The following OTOF variants were observed in gnomAD, a reference collection of about 807,000 sequenced individuals.
OTOF encodes otoferlin, also known as fer-1-like family member 2.
Under a neutral mutation model 236.8 loss-of-function variants are expected in OTOF, and 218 were observed. The observed-to-expected ratio is 0.92, with a 90% CI of 0.82 to 1.03. OTOF has a LOEUF of 1.03. Ranked by LOEUF, OTOF falls within the 50% of genes least tolerant of loss-of-function variation. The pLI, the probability that OTOF is intolerant of heterozygous loss-of-function variation, is 0.00. For missense variants in OTOF, 2,590 were observed against 2,694.4 expected, an observed-to-expected ratio of 0.96 and a Z score of 0.86; for synonymous variants, 1,041 against 1,072.5, an observed-to-expected ratio of 0.97 and a Z score of 0.57.
At chr2:26,484,757 G>A in intron 11 of OTOF, 124 bp from the exon 12 acceptor site, 2 of 933,370 alleles carry the variant, frequency 2.1e-6, no homozygotes, top group Non-Finnish European at 3.3e-6. Flanking sequence ...CCGGGACCTG[G>A]GGCCACAGCT....
chr2:26,557,471 A>AG (rs1032371631), intron 1 of OTOF, among the ~76,000 whole-genome samples: 4 of 152,138 alleles, frequency 2.6e-5, no homozygotes, highest in African/African-American at 9.7e-5. Context: ...TAAAATGCTC[A>AG]GGGGCTCCGC....
rs1289093763 is a variant in OTOF at position 26,460,694 on chromosome 2, G to A, written c.5766C>T (p.Asn1922=). 2 of 1,613,828 alleles carry A rather than the reference G, an allele frequency of 1.2e-6. No individual in the cohort carries two copies. Among genetic ancestry groups the A allele is most frequent in the Non-Finnish European group, 1.7e-6 (2 of 1,179,944 alleles). The change falls in exon 45 of 47, where the codon AAC becomes AAT. Residue 1922 remains asparagine, a synonymous_variant. Transcript: ENST00000272371. The surrounding 1 kb of genome is among the most constrained non-coding windows in gnomAD (Gnocchi z 5.3). ...GTTCATTGCGGGCCAGGCCCACTGG[G>A]TTCTTCTCTGCCTCCTCTGCTGTCA... is the stretch of plus-strand genomic sequence containing the variant. ...HLLTAEEAEK[N]PVGLARNEPD...
At chr2:26,483,433 C>G (rs1665617503) in intron 13 of OTOF, 29 bp downstream of exon 13, 4 of 1,609,174 alleles carry the variant, frequency 2.5e-6, no homozygotes, top group Non-Finnish European at 3.4e-6. Flanking sequence ...TCACCCAGCC[C>G]CAGCCTCCTG....
At chr2:26,533,998 T>A (rs546777962) in intron 2 of OTOF, among the ~76,000 whole-genome samples, 2 of 152,144 alleles carry the variant, frequency 1.3e-5, no homozygotes, top group African/African-American at 4.8e-5. Context: ...GGTCCCTCCT[T>A]GTTTGTAGTG....
chr2:26,535,550 G>A lies in OTOF; in HGVS notation c.138+2166C>T, dbSNP rs553663565. On this transcript the variant is annotated intron_variant, in intron 2 of 46. Transcript: ENST00000272371. ...AAACTTCCCTGTCTCCCCAGTGGGC[G>A]GGCAGCACTTTCCCCGGGCAGGAGC... Among the ~76,000 whole-genome samples, 8 of 152,224 alleles carry A rather than the reference G, an allele frequency of 5.3e-5. No homozygotes were observed. The East Asian group carries it at 1.4e-3, about 26-fold the overall frequency.
intron 1 of OTOF, among the ~76,000 whole-genome samples, chr2:26,541,206 T>G (rs1667205365): frequency 6.6e-6 from 1 of 152,176 alleles, no homozygotes; most frequent in South Asian, 2.1e-4. Context: ...TGGTGTCAGA[T>G]TCACATCTGC....
In OTOF at chr2:26,477,856, G is replaced by A. The variant is rs1300732020; in HGVS notation, c.2215-107C>T. The A allele has an allele frequency of 6.4e-7, 1 of 1,559,494 alleles. No homozygotes were observed. The highest frequency in any genetic ancestry group is 8.7e-7 in the Non-Finnish European group (1 of 1,152,018). On this transcript the variant is annotated intron_variant, in intron 18 of 46. Coordinates refer to ENST00000272371, the MANE Select transcript of OTOF (RefSeq NM_194248.3). The surrounding 1 kb of genome is among the most constrained non-coding windows in gnomAD (Gnocchi z 4.7). ...GGGAGTGAGGGACCTCATGATCTGGGAGCTCTCGCTAGGGCCATCCTGAGT... is the reference window on the plus strand; with the variant it reads ...GGGAGTGAGGGACCTCATGATCTGGAAGCTCTCGCTAGGGCCATCCTGAGT...
chr2:26,494,871 T>G (rs981609564), intron 9 of OTOF, 71 bp downstream of exon 9: 194 of 1,583,806 alleles, frequency 1.2e-4, no homozygotes, highest in Non-Finnish European at 1.1e-4. Context: ...CACTCCTATT[T>G]CTCCTGGGGA....
At chr2:26,523,490 C>A (rs1425003963) in intron 3 of OTOF, among the ~76,000 whole-genome samples, 2 of 152,142 alleles carry the variant, frequency 1.3e-5, no homozygotes, top group Non-Finnish European at 2.9e-5. Context: ...CGTCCTGGGA[C>A]CCACTCTCCC....
Position 26,468,403 on chromosome 2 carries a change from C to A in OTOF, c.4090+5G>T. 6.2e-7 allele frequency: 1 copy of A among 1,612,858 alleles called. No homozygotes were observed. The highest frequency in any genetic ancestry group is 8.5e-7 in the Non-Finnish European group (1 of 1,178,874). Reference sequence around the variant, plus strand: ...GGAGGCAGAGTTCCAGGTTCCAGGGCTCACCCTCGGTATTGTCCACTTCCT... The same window carrying A: ...GGAGGCAGAGTTCCAGGTTCCAGGGATCACCCTCGGTATTGTCCACTTCCT... On this transcript the variant is annotated splice_donor_5th_base_variant and intron_variant, in intron 33 of 46. Transcript: ENST00000272371.
rs371356753 is a variant in OTOF, at chr2:26,472,980, C to T, written c.3733+152G>A. ...GTAGAGCTGGCGTCACCTTGGGCAG[C>T]CTTCCTTGGCCACCAGGGTGACCTT... On this transcript the variant is annotated intron_variant, in intron 29 of 46. Coordinates refer to ENST00000272371, the MANE Select transcript of OTOF (RefSeq NM_194248.3). The T allele has an allele frequency of 4.2e-4, 360 of 853,478 alleles. No individual in the cohort carries two copies. The African/African-American group carries it at 5.7e-3, about 13-fold the overall frequency. 52.9% of individuals were successfully genotyped at this position (853,478 alleles called of 1,614,324 possible).
chr2:26,550,142 C>T (rs890175276), intron 1 of OTOF, among the ~76,000 whole-genome samples: 55 of 151,342 alleles, frequency 3.6e-4, no homozygotes, highest in African/African-American at 1.2e-3. Context: ...CTCGTCTCCA[C>T]CTCAGCAGAT....
chr2:26,543,777 C>T (rs931816318), intron 1 of OTOF, among the ~76,000 whole-genome samples: 3 of 152,182 alleles, frequency 2.0e-5, no homozygotes, highest in Non-Finnish European at 2.9e-5. Context: ...AGTGCAGTGG[C>T]GTAATCTCCG....
intron 24 of OTOF, 69 bp from the exon 25 acceptor site, chr2:26,475,562 C>T: frequency 2.6e-6 from 4 of 1,544,234 alleles, no homozygotes; most frequent in Non-Finnish European, 3.6e-6. Context: ...ACAGAAGCCA[C>T]CCCTACTCAC....
chr2:26,493,012 A>G (rs907567819), intron 9 of OTOF, among the ~76,000 whole-genome samples: 1 of 152,148 alleles, frequency 6.6e-6, no homozygotes, highest in African/African-American at 2.4e-5. Flanking sequence ...ACTGCTATCA[A>G]GTAACCACCG....
intron 3 of OTOF, among the ~76,000 whole-genome samples, chr2:26,523,201 G>A (rs529047259): frequency 2.0e-4 from 30 of 152,350 alleles, no homozygotes; most frequent in Admixed American, 2.6e-4. Flanking sequence ...CAGAGGTCCC[G>A]GACAGGCAGA....
chr2:26,489,761 G>T, intron 9 of OTOF, 21 bp from the exon 10 acceptor site: 1 of 1,601,420 alleles, frequency 6.2e-7, no homozygotes. Context: ...AAGGATCCAG[G>T]CCTGCTGTCA....
intron 25 of OTOF, 101 bp downstream of exon 25, chr2:26,475,258 G>A: frequency 7.5e-7 from 1 of 1,329,612 alleles, no homozygotes; most frequent in Non-Finnish European, 1.1e-6. Context: ...TCTGCAGGTG[G>A]GTGGCGGAGG....
chr2:26,558,642 C>T lies in OTOF; in HGVS notation c.-71G>A. The T allele has an allele frequency of 7.7e-7, 1 of 1,303,572 alleles. No homozygotes were observed. Among genetic ancestry groups the T allele is most frequent in the Non-Finnish European group, 1.1e-6 (1 of 900,612 alleles). The allele number at this position is 1,303,572 out of a possible 1,614,324, so 80.8% of individuals were successfully genotyped here. On this transcript the variant is annotated 5_prime_UTR_variant, in exon 1 of 47. It adds an upstream start codon to the 5' untranslated region. Coordinates refer to ENST00000272371, the MANE Select transcript of OTOF (RefSeq NM_194248.3). The stretch of plus-strand genomic sequence containing the variant: ...GAGCTAGCCGGTGGAGCACGGCTCA[C>T]ACGCCTCTCTCTTCTCTGCCGCTGC...
Sources: allele counts gnomAD v4.1 joint callset (sites outside exome capture counted in the v4.1 genomes callset), GRCh38; gene constraint gnomAD v4.1.1; non-coding constraint Gnocchi (gnomAD v3.1); transcripts MANE v1.5; gene names NCBI Gene and HGNC (gene_info 2026-07-23, HGNC 2026-07-21).